Variants in ZNF524 observed in about 807,000 individuals in gnomAD.
ZNF524 encodes the protein zinc finger protein 524.
For synonymous variants in ZNF524, 194 were observed against 166.3 expected (o/e 1.17, Z -1.28); for missense variants, 388 against 380.1 (o/e 1.02, Z -0.17).
At chr19:55,601,188 C>G (rs1375232116) in intron 1 of ZNF524, 1 of 152,192 alleles carries the variant, frequency 6.6e-6, no homozygotes, top group Non-Finnish European at 1.5e-5. Flanking sequence ...CTGGGACATT[C>G]GGGTCACAAG....
rs117202532 is a variant in ZNF524 at position 55,602,482 on chromosome 19, C to T, written c.370C>T (p.Pro124Ser). The T allele has an allele frequency of 5.0e-3, 7,938 of 1,598,042 alleles. 33 individuals are homozygous for T. The highest frequency in any genetic ancestry group is 6.1e-3 in the Non-Finnish European group (7,135 of 1,177,750). ...HFCPVCLRAFPYLSDLERHSI... is the reference protein window; with the variant it reads ...HFCPVCLRAFSYLSDLERHSI... Reference sequence around the variant, plus strand: ...CTGCCCGGTGTGCCTGCGGGCCTTCCCCTACCTCTCCGACCTGGAGCGCCA... The same window carrying T: ...CTGCCCGGTGTGCCTGCGGGCCTTCTCCTACCTCTCCGACCTGGAGCGCCA... The change falls in exon 2 of 2, where the codon CCC becomes TCC. Residue 124 changes from proline (P) to serine (S), a missense_variant. Pro to Ser is a moderately conservative substitution (Grantham distance 74). Transcript: ENST00000301073.
At position 55,602,876 on chromosome 19, in the gene ZNF524, A is replaced by G; in HGVS notation, c.764A>G (p.Glu255Gly). ...IPATAGAEEE[E>G]ETEGKGEPA Reference sequence around the variant, plus strand: ...GCCACAGCAGGGGCCGAGGAGGAGGAGGAGACAGAGGGGAAAGGGGAGCCG... The same window carrying G: ...GCCACAGCAGGGGCCGAGGAGGAGGGGGAGACAGAGGGGAAAGGGGAGCCG... The change falls in exon 2 of 2, where the codon GAG becomes GGG. Residue 255 changes from glutamate to glycine, a missense_variant. Physicochemically the swap from Glu to Gly is moderately conservative, Grantham distance 98 (BLOSUM62 -2). Coordinates refer to ENST00000301073, the MANE Select transcript of ZNF524 (RefSeq NM_153219.4). The G allele has an allele frequency of 6.3e-7, 1 of 1,591,372 alleles. No individual in the cohort carries two copies. The highest frequency in any genetic ancestry group is 8.5e-7 in the Non-Finnish European group (1 of 1,169,930).
chr19:55,601,901 T>A (rs758401110), intron 1 of ZNF524, 174 bp from the exon 2 acceptor site: 13 of 431,228 alleles, frequency 3.0e-5, no homozygotes, highest in South Asian at 7.2e-5. Context: ...GTTTATCAGC[T>A]GATACAAGAT....
rs1300034259 is a variant in ZNF524, at chr19:55,602,870, AGG to A, written c.759_760del (p.Glu254GlyfsTer24). 1.2e-6 allele frequency: 2 copies of A among 1,600,044 alleles called. No individual in the cohort carries two copies. The highest frequency in any genetic ancestry group is 1.7e-6 in the Non-Finnish European group (2 of 1,174,542). ...ATCCCGGCCACAGCAGGGGCCGAGG[AGG>A]AGGAGGAGACAGAGGGGAAAGGGGA... On this transcript the variant is annotated frameshift_variant, in exon 2 of 2. Coordinates refer to ENST00000301073, the MANE Select transcript of ZNF524 (RefSeq NM_153219.4). LOFTEE classifies it high-confidence loss of function.
chr19:55,601,531 T>A (rs1980679380), intron 1 of ZNF524: 1 of 152,298 alleles, frequency 6.6e-6, no homozygotes, highest in Non-Finnish European at 1.5e-5. Context: ...GAATGATGTC[T>A]TGACTCCAGG....
At position 55,602,367 on chromosome 19, in the gene ZNF524, C is replaced by T. The variant is rs903972939; in HGVS notation, c.255C>T (p.Leu85=). 10 of 1,562,242 alleles carry T rather than the reference C, an allele frequency of 6.4e-6. No individual in the cohort carries two copies. In the African/African-American group the frequency reaches 6.8e-5, roughly 11 times the overall value. ...GCAGCAGTGGCGGGAGCGACCTCCT[C>T]CTGATCGATGATCAGGGTGTGCCCT... ...PVGSSGGSDL[L]LIDDQGVPYT... Residue 85 remains leucine, a synonymous_variant, in exon 2 of 2, where the codon CTC becomes CTT. Coordinates refer to ENST00000301073, the MANE Select transcript of ZNF524 (RefSeq NM_153219.4).
intron 1 of ZNF524, chr19:55,601,743 C>T: frequency 6.0e-6 from 1 of 166,988 alleles, no homozygotes; most frequent in Non-Finnish European, 1.3e-5. Flanking sequence ...TACTGGTCTG[C>T]ACTCTCAGTT....
At position 55,602,232 on chromosome 19, in the gene ZNF524, C is replaced by T. The variant is rs1980720314; in HGVS notation, c.120C>T (p.Thr40=). ...GRRGRRPGGA[T]SSNRTLKASL... Reference sequence around the variant, plus strand: ...GAGGCCGTCGTCCTGGGGGAGCCACCTCCTCAAATCGGACACTCAAGGCCT... The same window carrying T: ...GAGGCCGTCGTCCTGGGGGAGCCACTTCCTCAAATCGGACACTCAAGGCCT... Residue 40 remains threonine (T), a synonymous_variant, in exon 2 of 2, where the codon ACC becomes ACT. Transcript: ENST00000301073. The T allele has an allele frequency of 6.2e-7, 1 of 1,612,126 alleles. No individual in the cohort carries two copies.
intron 1 of ZNF524, 77 bp from the exon 2 acceptor site, chr19:55,601,998 G>A (rs1035036261): frequency 6.4e-6 from 6 of 939,404 alleles, no homozygotes; most frequent in Admixed American, 2.7e-5. Flanking sequence ...CTTGGAGAGA[G>A]GGATGGGCGA....
At chr19:55,600,142 G>C (rs540271570), upstream of ZNF524, 1 of 152,158 alleles carries the variant, frequency 6.6e-6, no homozygotes, top group East Asian at 1.9e-4. Context: ...CCGCCGGTGC[G>C]CAGGCGCGGC....
chr19:55,600,438 A>AG (rs372606986), intron 1 of ZNF524, 30 bp downstream of exon 1: 1 of 144,128 alleles, frequency 6.9e-6, no homozygotes, highest in Non-Finnish European at 1.5e-5. Flanking sequence ...CGCAGGCGGG[A>AG]GGGGGGGTGT....
chr19:55,602,887 G>A lies in ZNF524; in HGVS notation c.775G>A (p.Gly259Arg), dbSNP rs1018235875. 1.1e-5 allele frequency: 18 copies of A among 1,583,558 alleles called. No homozygotes were observed. Among genetic ancestry groups the A allele is most frequent in the Non-Finnish European group, 1.5e-5 (18 of 1,165,480 alleles). The change falls in exon 2 of 2, where the codon GGG becomes AGG. Residue 259 changes from glycine to arginine, a missense_variant. Transcript: ENST00000301073. ...AGAEEEEETE[G>R]KGEPA ...GGCCGAGGAGGAGGAGGAGACAGAG[G>A]GGAAAGGGGAGCCGGCCTGACCCAC...
At chr19:55,599,911 G>C (rs971800964), upstream of ZNF524, 1 of 152,252 alleles carries the variant, frequency 6.6e-6, no homozygotes, top group Non-Finnish European at 1.5e-5. Flanking sequence ...GCAATACAGA[G>C]CTGGAAAAGA....
rs978828018 is a variant in ZNF524 at position 55,602,923 on chromosome 19, A to G, written c.*16A>G. 1.0e-5 allele frequency: 16 copies of G among 1,533,060 alleles called. No individual in the cohort carries two copies. Among genetic ancestry groups the G allele is most frequent in the East Asian group, 2.4e-5 (1 of 42,096 alleles). The allele number at this position is 1,533,060 out of a possible 1,614,324, so 95.0% of individuals were successfully genotyped here. A position where few individuals can be genotyped will look rare whatever the true frequency, so the allele number is the denominator to read the frequency against. On this transcript the variant is annotated 3_prime_UTR_variant, in exon 2 of 2. Coordinates refer to ENST00000301073, the MANE Select transcript of ZNF524 (RefSeq NM_153219.4). ...GCCGGCCTGACCCACACCCCCGGCC[A>G]TCGCTCCCTGGGCCAGGTTTAGAGC...
At chr19:55,601,931 C>G in intron 1 of ZNF524, 144 bp from the exon 2 acceptor site, 1 of 506,664 alleles carries the variant, frequency 2.0e-6, no homozygotes, top group Non-Finnish European at 3.4e-6. Context: ...GTTTTACCCA[C>G]CAGCATAGCT....
chr19:55,602,917 C>T lies in ZNF524; in HGVS notation c.*10C>T, dbSNP rs1381742679. On this transcript the variant is annotated 3_prime_UTR_variant, in exon 2 of 2. Coordinates refer to ENST00000301073, the MANE Select transcript of ZNF524 (RefSeq NM_153219.4). ...AGGGGAGCCGGCCTGACCCACACCC[C>T]CGGCCATCGCTCCCTGGGCCAGGTT... 1.9e-6 allele frequency: 3 copies of T among 1,539,364 alleles called. No homozygotes were observed. In the East Asian group the frequency reaches 7.1e-5, roughly 36 times the overall value.
In ZNF524 at chr19:55,602,311, G is replaced by T. The variant is rs769074419; in HGVS notation, c.199G>T (p.Val67Leu). 1.1e-5 allele frequency: 17 copies of T among 1,578,466 alleles called. No homozygotes were observed. Among genetic ancestry groups the T allele is most frequent in the South Asian group, 9.2e-5 (8 of 87,002 alleles). ...PPKSGQEPPL[V>L]QVQGVTAPVG... ...CAAGTCAGGGCAGGAGCCCCCACTG[G>T]TGCAGGTGCAGGGGGTGACAGCCCC... is the stretch of plus-strand genomic sequence containing the variant. Residue 67 changes from valine to leucine, a missense_variant, in exon 2 of 2, where the codon GTG (valine) becomes TTG (leucine). Transcript: ENST00000301073.
chr19:55,599,906 A>G (rs941677315), upstream of ZNF524: 2 of 152,216 alleles, frequency 1.3e-5, no homozygotes, highest in African/African-American at 4.8e-5. Flanking sequence ...CAACTGCAAT[A>G]CAGAGCTGGA....
At chr19:55,601,941 TA>T (rs1349828845) in intron 1 of ZNF524, 133 bp from the exon 2 acceptor site, 2 of 543,668 alleles carry the variant, frequency 3.7e-6, no homozygotes, top group Non-Finnish European at 6.2e-6. Context: ...CCAGCATAGC[TA>T]AAATTGTGTA....
Sources: allele counts gnomAD v4.1 joint callset, GRCh38; gene constraint gnomAD v4.1.1; transcripts MANE v1.5; gene names NCBI Gene and HGNC (gene_info 2026-07-23, HGNC 2026-07-21).